Variants in GABPB1 observed in about 807,000 individuals in gnomAD.
The protein encoded by GABPB1 is GA binding protein transcription factor subunit beta 1.
GABPB1 carries 15 observed loss-of-function variants against 45.9 expected under a neutral mutation model. That is an observed-to-expected ratio of 0.33 (90% CI 0.22 to 0.50). GABPB1 has a LOEUF of 0.50. GABPB1 is among the 20% of genes least tolerant of loss of function. The pLI, the probability that GABPB1 is intolerant of heterozygous loss-of-function variation, is 0.98. For synonymous variants in GABPB1, 143 were observed against 154.4 expected, an observed-to-expected ratio of 0.93 and a Z score of 0.55; for missense variants, 252 against 457.5, an observed-to-expected ratio of 0.55 and a Z score of 4.10.
chr15:50,316,620 T>C (rs1351742856), intron 1 of GABPB1, among the ~76,000 whole-genome samples: 2 of 152,172 alleles, frequency 1.3e-5, no homozygotes, highest in Non-Finnish European at 2.9e-5. Flanking sequence ...ACACCCAGTC[T>C]TTAAAATGTT....
At chr15:50,340,916 AATATTAC>A (rs11277222) in intron 1 of GABPB1, among the ~76,000 whole-genome samples, 12,948 of 53,654 alleles carry the variant, frequency 0.24, 3,290 homozygotes, top group African/African-American at 0.44. Context: ...TACCATATGT[AATATTAC>A]ATATTACATA....
At chr15:50,327,682 T>C (rs537175577) in intron 1 of GABPB1, among the ~76,000 whole-genome samples, 3 of 152,096 alleles carry the variant, frequency 2.0e-5, no homozygotes, top group South Asian at 2.1e-4. Context: ...GGTGGGCAGA[T>C]TGAGGTCAGG....
chr15:50,318,952 T>C (rs755912245), intron 1 of GABPB1, among the ~76,000 whole-genome samples: 16 of 152,200 alleles, frequency 1.1e-4, no homozygotes, highest in Non-Finnish European at 1.8e-4. Context: ...GAATAATAGT[T>C]CCTGGGGTGT....
At chr15:50,292,314 C>CAAAAAAA (rs762047613) in intron 6 of GABPB1, among the ~76,000 whole-genome samples, 1 of 49,558 alleles carries the variant, frequency 2.0e-5, no homozygotes, top group African/African-American at 5.5e-5. Flanking sequence ...GACTCCATCT[C>CAAAAAAA]AAAAAAAAAA....
chr15:50,347,808 C>A, intron 1 of GABPB1, among the ~76,000 whole-genome samples: 1 of 152,148 alleles, frequency 6.6e-6, no homozygotes. Context: ...GTAATCTCAG[C>A]ACTTTGGGAG....
At chr15:50,343,478 C>T (rs1372854500) in intron 1 of GABPB1, among the ~76,000 whole-genome samples, 1 of 152,148 alleles carries the variant, frequency 6.6e-6, no homozygotes, top group Non-Finnish European at 1.5e-5. Context: ...CACTCTAGGA[C>T]ACCCAGGGAG....
intron 8 of GABPB1, among the ~76,000 whole-genome samples, chr15:50,284,743 C>T (rs952684170): frequency 2.6e-5 from 4 of 152,078 alleles, no homozygotes; most frequent in Admixed American, 6.6e-5. Context: ...AAGCGAAGTA[C>T]ATGACAATTT....
At chr15:50,295,519 T>C (rs964693594) in intron 6 of GABPB1, among the ~76,000 whole-genome samples, 2 of 151,980 alleles carry the variant, frequency 1.3e-5, no homozygotes, top group African/African-American at 4.8e-5. Context: ...CTGTAAACCT[T>C]AGAAGAAAGA....
chr15:50,310,356 G>A (rs12910586), intron 1 of GABPB1, among the ~76,000 whole-genome samples: 71,955 of 152,054 alleles, frequency 0.47, 18,405 homozygotes, highest in Middle Eastern at 0.65. Context: ...GCCTCCCAAA[G>A]TGATGGGATT....
intron 4 of GABPB1, among the ~76,000 whole-genome samples, chr15:50,301,775 C>A (rs1233051574): frequency 4.6e-5 from 7 of 151,332 alleles, no homozygotes; most frequent in Non-Finnish European, 8.9e-5. Context: ...AAAACAAAAA[C>A]AAAAACAAAA....
At chr15:50,279,498 A>T (rs1289795306) in intron 8 of GABPB1, among the ~76,000 whole-genome samples, 1 of 152,242 alleles carries the variant, frequency 6.6e-6, no homozygotes, top group Non-Finnish European at 1.5e-5. Context: ...ATAGGTATAA[A>T]ATATATGCAT....
At chr15:50,345,733 A>G (rs1229269473) in intron 1 of GABPB1, among the ~76,000 whole-genome samples, 1 of 150,968 alleles carries the variant, frequency 6.6e-6, no homozygotes, top group Non-Finnish European at 1.5e-5. Context: ...TTTTTTTTAG[A>G]TGGAGTCTCG....
intron 1 of GABPB1, among the ~76,000 whole-genome samples, chr15:50,327,661 T>C (rs943089278): frequency 6.6e-6 from 1 of 152,128 alleles, no homozygotes; most frequent in African/African-American, 2.4e-5. Context: ...CCCAGCACTT[T>C]GGGAGGCCTA....
intron 1 of GABPB1, among the ~76,000 whole-genome samples, chr15:50,316,230 A>G (rs1050769751): frequency 1.7e-4 from 26 of 152,348 alleles, no homozygotes; most frequent in African/African-American, 6.0e-4. Flanking sequence ...TGCTCAAAGT[A>G]CATGCCAAGA....
intron 1 of GABPB1, among the ~76,000 whole-genome samples, chr15:50,331,270 G>A (rs2047938668): frequency 6.6e-6 from 1 of 152,202 alleles, no homozygotes; most frequent in Non-Finnish European, 1.5e-5. Context: ...GGACCTTAAT[G>A]TAGAAGATAG....
In GABPB1 at chr15:50,303,879, G is replaced by A. The variant is rs148989197; in HGVS notation, c.276+87C>T. 1,022 of 959,454 alleles carry A rather than the reference G, an allele frequency of 1.1e-3. 10 individuals are homozygous for A. In the African/African-American group the frequency reaches 0.015, roughly 14 times the overall value. The allele number at this position is 959,454 out of a possible 1,614,324, so 59.4% of individuals were successfully genotyped here. A position where few individuals can be genotyped will look rare whatever the true frequency, so the allele number is the denominator to read the frequency against. On this transcript the variant is annotated intron_variant, in intron 3 of 8. Coordinates refer to ENST00000380877, the MANE Select transcript of GABPB1 (RefSeq NM_016654.5). ...TGAAATACTATAGATAAAATACTAAGTAGGCATTTAACAAAAACTAGTTCC... is the reference window on the plus strand; with the variant it reads ...TGAAATACTATAGATAAAATACTAAATAGGCATTTAACAAAAACTAGTTCC...
At chr15:50,343,928 C>T (rs1012819324) in intron 1 of GABPB1, among the ~76,000 whole-genome samples, 1 of 152,164 alleles carries the variant, frequency 6.6e-6, no homozygotes, top group African/African-American at 2.4e-5. Context: ...AAACAATCAT[C>T]TTTTATTACC....
At chr15:50,299,117 G>C (rs1029415199) in intron 6 of GABPB1, among the ~76,000 whole-genome samples, 2 of 151,992 alleles carry the variant, frequency 1.3e-5, no homozygotes, top group African/African-American at 4.8e-5. Context: ...GTGCCTAGCA[G>C]AGAGAGTAAG....
rs188229996 is a variant in GABPB1 at position 50,318,197 on chromosome 15, G to A, written c.1-8399C>T. Among the ~76,000 whole-genome samples the A allele has an allele frequency of 7.0e-3, 1,069 of 152,234 alleles. 5 individuals carry two copies. Among genetic ancestry groups the A allele is most frequent in the Admixed American group, 0.011 (162 of 15,292 alleles). On this transcript the variant is annotated intron_variant, in intron 1 of 8. Coordinates refer to ENST00000380877, the MANE Select transcript of GABPB1 (RefSeq NM_016654.5). The stretch of plus-strand genomic sequence containing the variant: ...GTAAAAAGTAAAAAGATTTACCAAA[G>A]AACACTAGTTTTGATCTTAAAATCA...
Sources: gnomAD v4.1 joint callset for allele counts (sites outside exome capture counted in the v4.1 genomes callset) on GRCh38, gnomAD v4.1.1 for gene constraint, MANE v1.5 for transcripts, NCBI Gene and HGNC (gene_info 2026-07-23, HGNC 2026-07-21) for gene names.